Variants in CDH13 observed in about 807,000 individuals in gnomAD.
The protein encoded by CDH13 is cadherin 13, also known as cadherin-13.
In CDH13, 24 loss-of-function variants were observed where a neutral mutation model predicts 63.8. The ratio of observed to expected loss-of-function variants is 0.38; its 90% CI spans 0.27 to 0.53. The LOEUF (loss-of-function observed/expected upper bound fraction) is 0.53. Among genes scored for constraint, CDH13 ranks in the 20% least tolerant of loss-of-function variants. CDH13 has a pLI of 0.85. For synonymous variants in CDH13, 503 were observed against 355.3 expected, an observed-to-expected ratio of 1.42 and a Z score of -4.67; for missense variants, 1,049 against 903.1, an observed-to-expected ratio of 1.16 and a Z score of -2.07.
intron 2 of CDH13, among the ~76,000 whole-genome samples, chr16:82,930,514 G>C (rs1326257661): frequency 6.6e-6 from 1 of 151,990 alleles, no homozygotes. Context: ...GCCAAATATA[G>C]ATACATATCT....
intron 7 of CDH13, among the ~76,000 whole-genome samples, chr16:83,573,266 A>G (rs946444881): frequency 3.3e-5 from 5 of 152,194 alleles, no homozygotes; most frequent in Admixed American, 2.0e-4. Context: ...ACTAGAGCCA[A>G]ACTATGTGTA....
At chr16:83,531,070 T>G (rs1482811551) in intron 7 of CDH13, among the ~76,000 whole-genome samples, 1 of 152,208 alleles carries the variant, frequency 6.6e-6, no homozygotes, top group Non-Finnish European at 1.5e-5. Context: ...TCCGGTAAAG[T>G]TCTTGGTGTT....
In CDH13 at chr16:83,095,235, C is replaced by T. The variant is rs1239219640; in HGVS notation, c.367-30150C>T. ...AAGAAATAGTAAAAATCATTTATAC[C>T]TTCTCCAAAACACTCACTGTTCCCA... On this transcript the variant is annotated intron_variant, in intron 3 of 13. Coordinates refer to ENST00000567109, the MANE Select transcript of CDH13 (RefSeq NM_001257.5). Among the ~76,000 whole-genome samples, 4 of 152,156 alleles carry T rather than the reference C, an allele frequency of 2.6e-5. No individual in the cohort carries two copies. In the South Asian group the frequency reaches 6.2e-4, roughly 24 times the overall value.
intron 1 of CDH13, among the ~76,000 whole-genome samples, chr16:82,703,975 T>G (rs1156436809): frequency 6.6e-6 from 1 of 152,208 alleles, no homozygotes; most frequent in Non-Finnish European, 1.5e-5. Flanking sequence ...TTCCAATTTG[T>G]GTTTTCAAGG....
intron 10 of CDH13, among the ~76,000 whole-genome samples, chr16:83,705,852 C>G (rs528375710): frequency 6.6e-6 from 1 of 152,306 alleles, no homozygotes; most frequent in East Asian, 1.9e-4. Flanking sequence ...CCAACAATCT[C>G]TATGTCTCCC....
chr16:83,289,471 C>T (rs1376679766), intron 5 of CDH13, among the ~76,000 whole-genome samples: 1 of 152,172 alleles, frequency 6.6e-6, no homozygotes, highest in African/African-American at 2.4e-5. Context: ...TTTCAGCACT[C>T]TTAAGGTGAT....
At chr16:83,106,571 A>G (rs927072268) in intron 3 of CDH13, among the ~76,000 whole-genome samples, 1 of 152,202 alleles carries the variant, frequency 6.6e-6, no homozygotes, top group Non-Finnish European at 1.5e-5. Flanking sequence ...ATACAAAACA[A>G]AAAAACAAGC....
At chr16:83,211,303 G>T in intron 4 of CDH13, among the ~76,000 whole-genome samples, 1 of 151,994 alleles carries the variant, frequency 6.6e-6, no homozygotes. Context: ...TTGGATGAAG[G>T]GTACATGGGA....
intron 2 of CDH13, among the ~76,000 whole-genome samples, chr16:82,921,299 C>G (rs1221005366): frequency 1.3e-5 from 2 of 152,164 alleles, no homozygotes; most frequent in Non-Finnish European, 2.9e-5. Context: ...AGCTTCATTT[C>G]TTGCTTCTTC....
chr16:82,931,483 G>A (rs974542446), intron 2 of CDH13, among the ~76,000 whole-genome samples: 5 of 151,092 alleles, frequency 3.3e-5, no homozygotes, highest in Non-Finnish European at 5.9e-5. Flanking sequence ...AAGCAGTGGG[G>A]AAGCTAGAAT....
At chr16:83,538,465 T>A (rs2075236960) in intron 7 of CDH13, among the ~76,000 whole-genome samples, 2 of 152,152 alleles carry the variant, frequency 1.3e-5, no homozygotes, top group Admixed American at 6.5e-5. Flanking sequence ...TGAAATGACT[T>A]TTATGAGATT....
At chr16:82,988,480 G>A (rs902497902) in intron 2 of CDH13, among the ~76,000 whole-genome samples, 2 of 152,028 alleles carry the variant, frequency 1.3e-5, no homozygotes, top group Admixed American at 6.6e-5. Context: ...CTGAGTAATC[G>A]GCCAGGCACA....
chr16:83,795,115 T>C lies in CDH13; in HGVS notation c.*85T>C. The C allele has an allele frequency of 8.1e-7, 1 of 1,237,298 alleles. No individual in the cohort carries two copies. Among genetic ancestry groups the C allele is most frequent in the Non-Finnish European group, 1.1e-6 (1 of 882,202 alleles). 76.6% of individuals were successfully genotyped at this position (1,237,298 alleles called of 1,614,324 possible). A position where few individuals can be genotyped will look rare whatever the true frequency, so the allele number is the denominator to read the frequency against. Reference sequence around the variant, plus strand: ...TCTATCCAAATCTGAAGATTGCGGTTTACAGCTATCGAACTTCACAACTAG... The same window carrying C: ...TCTATCCAAATCTGAAGATTGCGGTCTACAGCTATCGAACTTCACAACTAG... On this transcript the variant is annotated 3_prime_UTR_variant, in exon 14 of 14. Transcript: ENST00000567109.
intron 1 of CDH13, among the ~76,000 whole-genome samples, chr16:82,806,309 T>G (rs2037139599): frequency 6.6e-6 from 1 of 152,230 alleles, no homozygotes; most frequent in Non-Finnish European, 1.5e-5. Flanking sequence ...CCAGGGAGTC[T>G]TTATCTAGAT....
chr16:83,767,368 A>T (rs1914465023), intron 11 of CDH13, among the ~76,000 whole-genome samples: 1 of 152,078 alleles, frequency 6.6e-6, no homozygotes, highest in South Asian at 2.1e-4. Context: ...GTCTCAAGAG[A>T]TCTGATAGTT....
chr16:83,429,194 C>T (rs192884923), intron 6 of CDH13, among the ~76,000 whole-genome samples: 89 of 152,302 alleles, frequency 5.8e-4, no homozygotes, highest in Non-Finnish European at 1.0e-3. Flanking sequence ...ATAGCATTTA[C>T]GAGAAGGTCC....
intron 4 of CDH13, among the ~76,000 whole-genome samples, chr16:83,214,183 A>G (rs4536460): frequency 0.97 from 146,776 of 152,084 alleles, 71,035 homozygotes; most frequent in East Asian, 1. Context: ...AATAATGACC[A>G]CAGTGACAGA....
intron 1 of CDH13, among the ~76,000 whole-genome samples, chr16:82,857,272 C>T (rs368581984): frequency 2.0e-5 from 3 of 152,180 alleles, no homozygotes; most frequent in Non-Finnish European, 1.5e-5. Context: ...CATAGGCCTG[C>T]TGTGGAGATG....
At chr16:82,895,874 G>C (rs1003620623) in intron 2 of CDH13, among the ~76,000 whole-genome samples, 3 of 152,166 alleles carry the variant, frequency 2.0e-5, no homozygotes, top group African/African-American at 7.2e-5. Flanking sequence ...ACACATGGGA[G>C]AGCCTTGAAG....
Sources: allele counts gnomAD v4.1 joint callset (sites outside exome capture counted in the v4.1 genomes callset), GRCh38; gene constraint gnomAD v4.1.1; transcripts MANE v1.5; gene names NCBI Gene and HGNC (gene_info 2026-07-23, HGNC 2026-07-21).